The following ADH6 variants were observed in gnomAD, a reference collection of about 807,000 sequenced individuals.
The protein encoded by ADH6 is alcohol dehydrogenase 6 (class V), also known as alcohol dehydrogenase 6.
ADH6 carries 34 observed loss-of-function variants against 36.5 expected under a neutral mutation model. The observed-to-expected ratio is 0.93, with a 90% CI of 0.71 to 1.24. The LOEUF is 1.24. ADH6 is among the 50% of genes most tolerant of loss of function. The probability of loss-of-function intolerance (pLI) is 0.00; values close to 1 mark genes in which losing one functional copy is unlikely to be tolerated. For missense variants in ADH6, 440 were observed against 447.0 expected (o/e 0.98, Z 0.14); for synonymous variants, 161 against 155.5 (o/e 1.04, Z -0.26).
In ADH6 at chr4:99,203,844, CAG is replaced by C. The variant is rs1730932225; in HGVS notation, c.*373_*374del. 1 of 177,896 alleles carries C rather than the reference CAG, an allele frequency of 5.6e-6. No individual in the cohort carries two copies. Among genetic ancestry groups the C allele is most frequent in the South Asian group, 2.0e-4 (1 of 5,128 alleles). The allele number at this position is 177,896 out of a possible 1,614,324, so 11.0% of individuals were successfully genotyped here. A position where few individuals can be genotyped will look rare whatever the true frequency, so the allele number is the denominator to read the frequency against. The stretch of plus-strand genomic sequence containing the variant: ...GTTTTGTTTCTTTAGAGTAAAATGG[CAG>C]AGTTTCATGTCTAGGCCTGTGAGAG... On this transcript the variant is annotated 3_prime_UTR_variant, in exon 9 of 9. Coordinates refer to ENST00000394899, the MANE Select transcript of ADH6 (RefSeq NM_001102470.2).
intron 3 of ADH6, among the ~76,000 whole-genome samples, 187 bp downstream of exon 3, chr4:99,213,419 A>C (rs1365016326): frequency 6.6e-6 from 1 of 152,190 alleles, no homozygotes; most frequent in Non-Finnish European, 1.5e-5. Context: ...CAAAATGTAA[A>C]TGCAAAGAAT....
chr4:99,207,942 T>G (rs1162837492), intron 6 of ADH6, among the ~76,000 whole-genome samples: 1 of 152,098 alleles, frequency 6.6e-6, no homozygotes, highest in Non-Finnish European at 1.5e-5. Context: ...AAGACAGATA[T>G]TTATATAATA....
chr4:99,202,887 G>A lies in ADH6; in HGVS notation c.*1332C>T. 1 of 396,952 alleles carries A rather than the reference G, an allele frequency of 2.5e-6. No homozygotes were observed. The highest frequency in any genetic ancestry group is 4.4e-6 in the Non-Finnish European group (1 of 224,920). The allele number at this position is 396,952 out of a possible 1,614,324, so 24.6% of individuals were successfully genotyped here. A position where few individuals can be genotyped will look rare whatever the true frequency, so the allele number is the denominator to read the frequency against. On this transcript the variant is annotated 3_prime_UTR_variant, in exon 9 of 9. Transcript: ENST00000394899. ...ATGGAGAAGAGCCATCCCAAGTCCA[G>A]AGTGAATAGGTTTCATAGCACCCAT...
At chr4:99,214,594 G>A (rs557405192) in intron 2 of ADH6, among the ~76,000 whole-genome samples, 1 of 152,248 alleles carries the variant, frequency 6.6e-6, no homozygotes, top group African/African-American at 2.4e-5. Flanking sequence ...AAGTGTTCAG[G>A]GATGAAATAC....
At chr4:99,204,644 T>C (rs529189289) in intron 8 of ADH6, 6 of 1,189,794 alleles carry the variant, frequency 5.0e-6, no homozygotes, top group Admixed American at 4.4e-5. Context: ...TGACTTCCAT[T>C]AATATGTCAT....
chr4:99,219,038 A>T (rs1731546506), intron 1 of ADH6, 97 bp downstream of exon 1: 1 of 1,213,422 alleles, frequency 8.2e-7, no homozygotes. Context: ...CACCTTTAGG[A>T]GCCCAGAGAC....
rs1730920984 is a variant in ADH6, at chr4:99,203,365, G to A, written c.*854C>T. The A allele has an allele frequency of 6.6e-6, 1 of 152,024 alleles. No homozygotes were observed. The highest frequency in any genetic ancestry group is 6.6e-5 in the Admixed American group (1 of 15,248). 9.4% of individuals were successfully genotyped at this position (152,024 alleles called of 1,614,324 possible). On this transcript the variant is annotated 3_prime_UTR_variant, in exon 9 of 9. Coordinates refer to ENST00000394899, the MANE Select transcript of ADH6 (RefSeq NM_001102470.2). The stretch of plus-strand genomic sequence containing the variant: ...AGGGGCTGGGGCAGAAAGTCAAAGG[G>A]TCGGGGTAGAAGGATTGGATGCCAC...
intron 7 of ADH6, among the ~76,000 whole-genome samples, chr4:99,206,002 G>T (rs1393588223): frequency 6.6e-6 from 1 of 152,060 alleles, no homozygotes; most frequent in Non-Finnish European, 1.5e-5. Context: ...ACTGTTCTAT[G>T]TCATGACATG....
chr4:99,210,082 C>G lies in ADH6; in HGVS notation c.567G>C (p.Lys189Asn), dbSNP rs530897976. 1.2e-6 allele frequency: 2 copies of G among 1,613,268 alleles called. No homozygotes were observed. Among genetic ancestry groups the G allele is most frequent in the African/African-American group, 2.7e-5 (2 of 74,980 alleles). Reference sequence around the variant, plus strand: ...CCAAATGGGTATAAATGCCCCTCACCTTGGCAGTATTGATTGCAGCACCAA... The same window carrying G: ...CCAAATGGGTATAAATGCCCCTCACGTTGGCAGTATTGATTGCAGCACCAA... ...TGFGAAINTA[K>N]VTPGSTCAVF... is the part of the protein sequence containing the mutation. Residue 189 changes from lysine to asparagine, a missense_variant and splice_region_variant, in exon 5 of 9, where the codon AAG (lysine) becomes AAC (asparagine). By Grantham distance (94) the Lys-to-Asn change is moderately conservative. Coordinates refer to ENST00000394899, the MANE Select transcript of ADH6 (RefSeq NM_001102470.2).
At position 99,216,195 on chromosome 4, in the gene ADH6, A is replaced by G; in HGVS notation, c.86T>C (p.Val29Ala). 4 of 1,528,760 alleles carry G rather than the reference A, an allele frequency of 2.6e-6. No homozygotes were observed. The highest frequency in any genetic ancestry group is 3.5e-6 in the Non-Finnish European group (4 of 1,144,504). The allele number at this position is 1,528,760 out of a possible 1,614,324, so 94.7% of individuals were successfully genotyped here. A position where few individuals can be genotyped will look rare whatever the true frequency, so the allele number is the denominator to read the frequency against. Residue 29 changes from valine (V) to alanine (A), a missense_variant, in exon 2 of 9, where the codon GTG becomes GCG. Transcript: ENST00000394899. Reference sequence around the variant, plus strand: ...AACTTCCTTTGCCTTTGGTGGGGCCACTTCTACCTCTTCAATAGAAAATGG... The same window carrying G: ...AACTTCCTTTGCCTTTGGTGGGGCCGCTTCTACCTCTTCAATAGAAAATGG... ...GAPFSIEEVE[V>A]APPKAKEVRI...
chr4:99,204,436 G>A, intron 8 of ADH6, 193 bp from the exon 9 acceptor site: 3 of 1,402,646 alleles, frequency 2.1e-6, no homozygotes, highest in South Asian at 1.6e-5. Context: ...AAGTAGGTAA[G>A]CAAGCTTATA....
chr4:99,207,373 G>A (rs7661441), intron 7 of ADH6, 73 bp downstream of exon 7: 251,314 of 1,584,794 alleles, frequency 0.16, 21,409 homozygotes, highest in Non-Finnish European at 0.17. Flanking sequence ...TTTCTTAAGC[G>A]TTTATGGTAC....
At chr4:99,213,314 T>C (rs1198676095) in intron 3 of ADH6, among the ~76,000 whole-genome samples, 1 of 152,242 alleles carries the variant, frequency 6.6e-6, no homozygotes, top group Non-Finnish European at 1.5e-5. Flanking sequence ...TGTTCAATAG[T>C]TTACCTCAGT....
intron 7 of ADH6, among the ~76,000 whole-genome samples, chr4:99,206,694 A>G (rs1731048698): frequency 2.0e-5 from 3 of 152,084 alleles, no homozygotes; most frequent in Middle Eastern, 3.2e-3. Context: ...CACTTGTGCA[A>G]GTAATTCAGG....
At position 99,204,141 on chromosome 4, in the gene ADH6, T is replaced by G; in HGVS notation, c.*78A>C. 6.6e-7 allele frequency: 1 copy of G among 1,506,858 alleles called. No individual in the cohort carries two copies. The highest frequency in any genetic ancestry group is 9.0e-7 in the Non-Finnish European group (1 of 1,109,408). 93.3% of individuals were successfully genotyped at this position (1,506,858 alleles called of 1,614,324 possible). ...AGAAATGGGATTGGGTGAATAATTC[T>G]TCTAAATCATGAAAATTACATCAAA... On this transcript the variant is annotated 3_prime_UTR_variant, in exon 9 of 9. Coordinates refer to ENST00000394899, the MANE Select transcript of ADH6 (RefSeq NM_001102470.2).
At chr4:99,214,257 T>G (rs1731323803) in intron 2 of ADH6, among the ~76,000 whole-genome samples, 1 of 152,072 alleles carries the variant, frequency 6.6e-6, no homozygotes, top group Non-Finnish European at 1.5e-5. Flanking sequence ...CCAGGCATGG[T>G]TGCATGCACC....
intron 5 of ADH6, among the ~76,000 whole-genome samples, chr4:99,209,313 C>T (rs894650209): frequency 5.9e-5 from 9 of 151,932 alleles, no homozygotes; most frequent in African/African-American, 1.9e-4. Flanking sequence ...CTCTCTCTCT[C>T]GGTATCTGTA....
At chr4:99,217,448 G>A (rs990113940) in intron 1 of ADH6, among the ~76,000 whole-genome samples, 4 of 152,016 alleles carry the variant, frequency 2.6e-5, no homozygotes, top group African/African-American at 4.8e-5. Flanking sequence ...TAGCTCCCAC[G>A]TATGCGTAAG....
intron 8 of ADH6, 163 bp from the exon 9 acceptor site, chr4:99,204,406 C>T (rs1730948032): frequency 7.1e-7 from 1 of 1,411,594 alleles, no homozygotes; most frequent in Non-Finnish European, 9.2e-7. Flanking sequence ...TTTAAAATGA[C>T]ATGAAACTCC....
Sources: gnomAD v4.1 joint callset for allele counts (sites outside exome capture counted in the v4.1 genomes callset) on GRCh38, gnomAD v4.1.1 for gene constraint, MANE v1.5 for transcripts, NCBI Gene and HGNC (gene_info 2026-07-23, HGNC 2026-07-21) for gene names.